KAZN: variants seen among roughly 807,000 people sequenced by gnomAD.
KAZN encodes kazrin.
A neutral mutation model predicts 87.4 loss-of-function variants in KAZN; 40 were observed. The observed-to-expected ratio is 0.46, with a 90% CI of 0.36 to 0.60. The LOEUF (loss-of-function observed/expected upper bound fraction) is 0.60, where lower values mean the gene tolerates loss of function less well. Among genes scored for constraint, KAZN ranks in the 20% least tolerant of loss-of-function variants. KAZN has a pLI of 0.00. For missense variants in KAZN, 898 were observed against 1,073.9 expected, an observed-to-expected ratio of 0.84 and a Z score of 2.29; for synonymous variants, 466 against 458.3, an observed-to-expected ratio of 1.02 and a Z score of -0.22.
At chr1:14,591,250 C>G (rs1676182389) in intron 2 of KAZN, among the ~76,000 whole-genome samples, 1 of 151,930 alleles carries the variant, frequency 6.6e-6, no homozygotes, top group Admixed American at 6.6e-5. Flanking sequence ...TGAACCAGGT[C>G]TTTGGAGTGT....
chr1:14,155,095 A>G (rs11810615), intron 1 of KAZN, among the ~76,000 whole-genome samples: 22,447 of 151,928 alleles, frequency 0.15, 1,897 homozygotes, highest in East Asian at 0.33. Flanking sequence ...TTTTTCGAAT[A>G]GTTGGAGTAT....
intron 2 of KAZN, among the ~76,000 whole-genome samples, chr1:14,369,542 A>C (rs1195714182): frequency 6.6e-6 from 1 of 152,184 alleles, no homozygotes; most frequent in Admixed American, 6.5e-5. Context: ...TTTAGAAGGA[A>C]GAAAAAATGG....
intron 2 of KAZN, among the ~76,000 whole-genome samples, chr1:14,228,953 C>T (rs1647547085): frequency 6.6e-6 from 1 of 152,186 alleles, no homozygotes; most frequent in South Asian, 2.1e-4. Flanking sequence ...GTATGTTATC[C>T]ACATGGCTCA....
intron 2 of KAZN, among the ~76,000 whole-genome samples, chr1:14,252,516 C>T (rs1023372194): frequency 7.2e-5 from 11 of 152,154 alleles, no homozygotes; most frequent in Admixed American, 2.0e-4. Flanking sequence ...TCATGTTGTT[C>T]CCTCTGCCTG....
chr1:14,893,265 C>G (rs1654912868), intron 1 of KAZN, among the ~76,000 whole-genome samples: 1 of 152,122 alleles, frequency 6.6e-6, no homozygotes, highest in Non-Finnish European at 1.5e-5. Context: ...ACTTGGGAGG[C>G]TGAGGCAGAA....
Position 13,930,871 on chromosome 1 carries a change from T to C in KAZN, c.91+37115T>C, listed in dbSNP as rs991467442. Among the ~76,000 whole-genome samples, 12 of 152,138 alleles carry C rather than the reference T, an allele frequency of 7.9e-5. No homozygotes were observed. In the South Asian group the frequency reaches 2.3e-3, roughly 29 times the overall value. On this transcript the variant is annotated intron_variant, in intron 1 of 16. Transcript: ENST00000636203. The stretch of plus-strand genomic sequence containing the variant: ...CAGTCTTGGTTTGGAGAGAGAACAC[T>C]CCAGTGGTCCTTAGGGGGTCCTGGA...
At chr1:14,976,193 G>T (rs1208584660) in intron 2 of KAZN, among the ~76,000 whole-genome samples, 1 of 152,170 alleles carries the variant, frequency 6.6e-6, no homozygotes, top group East Asian at 1.9e-4. Context: ...TTTGAGACAA[G>T]GTCTCATTCC....
intron 1 of KAZN, among the ~76,000 whole-genome samples, chr1:13,960,290 AACT>A (rs1259909231): frequency 1.3e-5 from 2 of 152,214 alleles, no homozygotes; most frequent in Non-Finnish European, 1.5e-5. Context: ...TAGAAGGGGA[AACT>A]GAGGCAGAGA....
intron 1 of KAZN, among the ~76,000 whole-genome samples, chr1:14,131,113 G>C (rs1271468560): frequency 6.6e-6 from 1 of 152,120 alleles, no homozygotes; most frequent in Non-Finnish European, 1.5e-5. Context: ...AGCAGGAGAG[G>C]GAGAGAGTGA....
chr1:14,459,248 G>GGT lies in KAZN; in HGVS notation c.250-139727_250-139726dup, dbSNP rs547238315. Reference sequence around the variant, plus strand: ...AGGAGTTAAGATTCAAGGGGGATATGGTGTGTGTGCGCGTGTGTGTGTGTG... The same window carrying GGT: ...AGGAGTTAAGATTCAAGGGGGATATGGTGTGTGTGTGCGCGTGTGTGTGTGTG... On this transcript the variant is annotated intron_variant, in intron 2 of 16. Transcript: ENST00000636203. Among the ~76,000 whole-genome samples the GGT allele has an allele frequency of 2.2e-4, 30 of 133,772 alleles. No homozygotes were observed. In the South Asian group the frequency reaches 4.4e-3, roughly 20 times the overall value. The allele number at this position is 133,772 out of a possible 152,430, so 87.8% of individuals were successfully genotyped here.
At chr1:14,801,549 C>T (rs1392079674) in intron 1 of KAZN, among the ~76,000 whole-genome samples, 4 of 152,140 alleles carry the variant, frequency 2.6e-5, no homozygotes, top group Admixed American at 2.6e-4. Context: ...GAGGCCTCCC[C>T]AGATAGTGGC....
chr1:14,409,227 A>C (rs576013926), intron 2 of KAZN, among the ~76,000 whole-genome samples: 14 of 152,324 alleles, frequency 9.2e-5, no homozygotes, highest in Admixed American at 6.5e-4. Flanking sequence ...GGAACCAGAA[A>C]CAAAAGAGGA....
intron 2 of KAZN, among the ~76,000 whole-genome samples, chr1:14,476,893 C>T (rs557336896): frequency 2.0e-4 from 31 of 152,208 alleles, no homozygotes; most frequent in Non-Finnish European, 4.1e-4. Context: ...CTATACCAAG[C>T]TTGTTCCTGC....
intron 2 of KAZN, among the ~76,000 whole-genome samples, chr1:14,408,363 T>C (rs906907056): frequency 2.6e-5 from 4 of 152,168 alleles, no homozygotes; most frequent in Non-Finnish European, 5.9e-5. Context: ...CCTTCATTCA[T>C]CTAGTAGATA....
rs529904852 is a variant in KAZN, at chr1:14,356,400, C to T, written c.249+175808C>T. ...TGCCTGTTCACTCTGATGATAGTTT[C>T]TTTTACTGTGCAGAAGCTCTTTAGT... On this transcript the variant is annotated intron_variant, in intron 2 of 16. Transcript: ENST00000636203. Among the ~76,000 whole-genome samples the T allele has an allele frequency of 3.3e-3, 506 of 152,212 alleles. 2 individuals carry two copies. The highest frequency in any genetic ancestry group is 0.011 in the African/African-American group (477 of 41,532).
At chr1:14,574,560 A>G (rs1675065549) in intron 2 of KAZN, among the ~76,000 whole-genome samples, 1 of 152,082 alleles carries the variant, frequency 6.6e-6, no homozygotes, top group East Asian at 1.9e-4. Flanking sequence ...CATGCCTTTC[A>G]TCTTCTGCCG....
chr1:14,985,776 G>A (rs1038760860), intron 2 of KAZN, among the ~76,000 whole-genome samples: 2 of 152,038 alleles, frequency 1.3e-5, no homozygotes, highest in Non-Finnish European at 2.9e-5. Context: ...GGCTGAGGCA[G>A]GCGGATCATG....
intron 2 of KAZN, among the ~76,000 whole-genome samples, chr1:14,340,905 T>TTTTTTTTTG (rs1657657396): frequency 6.8e-6 from 1 of 147,688 alleles, no homozygotes; most frequent in Non-Finnish European, 1.5e-5. Context: ...TTTTTTTTTT[T>TTTTTTTTTG]GAGATGGAGT....
At position 14,303,713 on chromosome 1, in the gene KAZN, C is replaced by A. The variant is rs77204523; in HGVS notation, c.249+123121C>A. 2.4e-4 allele frequency among the ~76,000 whole-genome samples: 37 copies of A among 152,310 alleles called. No homozygotes were observed. In the East Asian group the frequency reaches 5.8e-3, roughly 24 times the overall value. ...TTCTCCCTTCCCATTTATGCCTATC[C>A]AAACTCTGTCCATCCTTCAAGATTA... On this transcript the variant is annotated intron_variant, in intron 2 of 16. Transcript: ENST00000636203.
Sources: gnomAD v4.1 joint callset for allele counts (sites outside exome capture counted in the v4.1 genomes callset) on GRCh38, gnomAD v4.1.1 for gene constraint, MANE v1.5 for transcripts, NCBI Gene and HGNC (gene_info 2026-07-23, HGNC 2026-07-21) for gene names.